The following SYNJ1 variants were observed in gnomAD, a reference collection of about 807,000 sequenced individuals.
SYNJ1 encodes the protein synaptojanin 1.
Under a neutral mutation model 168.2 loss-of-function variants are expected in SYNJ1, and 78 were observed. The observed-to-expected ratio is 0.46, with a 90% CI of 0.39 to 0.56. The LOEUF is 0.56. Among genes scored for constraint, SYNJ1 ranks in the 20% least tolerant of loss-of-function variants. The probability of loss-of-function intolerance (pLI) is 0.00; values close to 1 mark genes in which losing one functional copy is unlikely to be tolerated. For synonymous variants in SYNJ1, 539 were observed against 548.6 expected, an observed-to-expected ratio of 0.98 and a Z score of 0.24; for missense variants, 1,303 against 1,597.6, an observed-to-expected ratio of 0.82 and a Z score of 3.14.
chr21:32,641,117 A>C (rs1027684101), intron 29 of SYNJ1, among the ~76,000 whole-genome samples: 13 of 152,230 alleles, frequency 8.5e-5, no homozygotes, highest in Admixed American at 4.6e-4. Context: ...TTCTATCTTC[A>C]TAGGAAGTGG....
chr21:32,719,435 T>C (rs557509399), intron 2 of SYNJ1, among the ~76,000 whole-genome samples: 5 of 152,278 alleles, frequency 3.3e-5, no homozygotes, highest in Admixed American at 3.3e-4. Flanking sequence ...CTATGCAGGC[T>C]GGGAGCAGTG....
chr21:32,669,682 A>G (rs968859354), intron 15 of SYNJ1, among the ~76,000 whole-genome samples: 8 of 152,218 alleles, frequency 5.3e-5, no homozygotes, highest in African/African-American at 1.9e-4. Flanking sequence ...ACACCAAGAT[A>G]ATACTTCTCT....
intron 31 of SYNJ1, among the ~76,000 whole-genome samples, chr21:32,637,952 T>C (rs1357127714): frequency 3.3e-5 from 5 of 152,266 alleles, no homozygotes; most frequent in African/African-American, 1.2e-4. Flanking sequence ...GACATACCTA[T>C]ATATCTGTAA....
At chr21:32,650,900 T>A (rs2040247942) in intron 22 of SYNJ1, among the ~76,000 whole-genome samples, 2 of 152,222 alleles carry the variant, frequency 1.3e-5, no homozygotes, top group Admixed American at 1.3e-4. Flanking sequence ...CCATTTTAAA[T>A]CTTCAACAAA....
rs184814703 is a variant in SYNJ1, at chr21:32,682,671, T to G, written c.1201-1023A>C. ...GCTTTGTCTATCTTGGTGTCAAACT[T>G]TGTAACCTGTCAACCAATTGCTATC... On this transcript the variant is annotated intron_variant, in intron 10 of 32. Transcript: ENST00000674351. 6.6e-4 allele frequency among the ~76,000 whole-genome samples: 101 copies of G among 152,248 alleles called. 1 individual carries two copies. The highest frequency in any genetic ancestry group is 4.4e-5 in the Non-Finnish European group (3 of 67,970).
intron 13 of SYNJ1, among the ~76,000 whole-genome samples, chr21:32,675,161 C>T (rs944450515): frequency 1.3e-5 from 2 of 152,104 alleles, no homozygotes; most frequent in Non-Finnish European, 2.9e-5. Context: ...GTTACCAATG[C>T]GAACATAGTG....
chr21:32,646,164 T>C lies in SYNJ1; in HGVS notation c.3247+229A>G, dbSNP rs545961929. 9.2e-5 allele frequency among the ~76,000 whole-genome samples: 14 copies of C among 152,296 alleles called. No homozygotes were observed. In the South Asian group the frequency reaches 2.5e-3, roughly 27 times the overall value. On this transcript the variant is annotated intron_variant, in intron 24 of 32. Coordinates refer to ENST00000674351, the MANE Select transcript of SYNJ1 (RefSeq NM_203446.3). ...ATAGAAAATCATCAGTTATAAGACA[T>C]AGACAAACCTAACCACATAGAAAAA...
chr21:32,661,237 T>C (rs1466102883), intron 18 of SYNJ1, among the ~76,000 whole-genome samples: 1 of 152,160 alleles, frequency 6.6e-6, no homozygotes, highest in Non-Finnish European at 1.5e-5. Context: ...CATCTCACAC[T>C]TGCCAGCCCT....
intron 4 of SYNJ1, 121 bp downstream of exon 4, chr21:32,699,717 C>T (rs2042331643): frequency 1.7e-6 from 2 of 1,188,436 alleles, no homozygotes; most frequent in Non-Finnish European, 2.3e-6. Flanking sequence ...TGAAAAGGGG[C>T]ATCGAGGGTC....
At chr21:32,691,245 G>A (rs1601436454) in intron 6 of SYNJ1, among the ~76,000 whole-genome samples, 1 of 152,286 alleles carries the variant, frequency 6.6e-6, no homozygotes, top group East Asian at 1.9e-4. Flanking sequence ...ACTAGTGAGT[G>A]AGTTCTCATG....
chr21:32,663,957 T>TACAC (rs1381708011), intron 18 of SYNJ1, among the ~76,000 whole-genome samples: 8 of 152,340 alleles, frequency 5.3e-5, no homozygotes, highest in African/African-American at 1.9e-4. Context: ...GAAGGGCAAG[T>TACAC]AGTTGAAGAC....
chr21:32,689,840 T>C lies in SYNJ1; in HGVS notation c.790-1473A>G, dbSNP rs2041958550. On this transcript the variant is annotated intron_variant, in intron 6 of 32. Coordinates refer to ENST00000674351, the MANE Select transcript of SYNJ1 (RefSeq NM_203446.3). The stretch of plus-strand genomic sequence containing the variant: ...AGAAATCAATTAGCCTAATGTCACA[T>C]CTGTGTTCAATTTCATTTTATGGTA... Among the ~76,000 whole-genome samples the C allele has an allele frequency of 2.6e-5, 4 of 152,356 alleles. No individual in the cohort carries two copies. The South Asian group carries it at 8.3e-4, about 32-fold the overall frequency.
intron 2 of SYNJ1, among the ~76,000 whole-genome samples, chr21:32,723,998 C>T (rs1008343535): frequency 6.6e-6 from 1 of 151,954 alleles, no homozygotes; most frequent in Admixed American, 6.6e-5. Flanking sequence ...ATTAGAGAAG[C>T]AGCACTCTAG....
At chr21:32,686,628 G>A (rs1319486018) in intron 8 of SYNJ1, among the ~76,000 whole-genome samples, 1 of 152,130 alleles carries the variant, frequency 6.6e-6, no homozygotes, top group African/African-American at 2.4e-5. Context: ...TATGGTTCTA[G>A]GAAGCAGGCA....
chr21:32,667,413 A>G (rs897610449), intron 15 of SYNJ1, among the ~76,000 whole-genome samples: 1 of 152,120 alleles, frequency 6.6e-6, no homozygotes, highest in Admixed American at 6.6e-5. Context: ...CATCCTCTTC[A>G]CCTTATCACA....
intron 2 of SYNJ1, among the ~76,000 whole-genome samples, chr21:32,719,444 T>C (rs962326971): frequency 1.3e-5 from 2 of 152,238 alleles, no homozygotes; most frequent in Non-Finnish European, 2.9e-5. Flanking sequence ...CTGGGAGCAG[T>C]GGCTCACGCC....
At position 32,645,024 on chromosome 21, in the gene SYNJ1, A is replaced by G; in HGVS notation, c.3392-18T>C. The G allele has an allele frequency of 1.3e-6, 2 of 1,597,182 alleles. No homozygotes were observed. Among genetic ancestry groups the G allele is most frequent in the Non-Finnish European group, 1.7e-6 (2 of 1,174,904 alleles). ...CCTAGCCCCTTATAGTTCATAAGAA[A>G]ATAGGCAGCAGAAAGGAAATGACAT... On this transcript the variant is annotated intron_variant, in intron 25 of 32. Coordinates refer to ENST00000674351, the MANE Select transcript of SYNJ1 (RefSeq NM_203446.3).
At chr21:32,679,599 T>C (rs1448620236) in intron 11 of SYNJ1, among the ~76,000 whole-genome samples, 1 of 152,148 alleles carries the variant, frequency 6.6e-6, no homozygotes, top group Non-Finnish European at 1.5e-5. Context: ...GTTTGCAATA[T>C]GTAATTTTTA....
Position 32,635,337 on chromosome 21 carries a change from C to A in SYNJ1, c.3916-453G>T, listed in dbSNP as rs117510409. On this transcript the variant is annotated intron_variant, in intron 31 of 32. Coordinates refer to ENST00000674351, the MANE Select transcript of SYNJ1 (RefSeq NM_203446.3). ...GGGACCCCATGATGGAATCAGTGTC[C>A]TTATGAGAAGAGACACCAGAGAGCG... 3.1e-3 allele frequency among the ~76,000 whole-genome samples: 472 copies of A among 152,196 alleles called. 3 individuals are homozygous for A. The highest frequency in any genetic ancestry group is 5.6e-3 in the Non-Finnish European group (381 of 68,012).
Sources: allele counts gnomAD v4.1 joint callset (sites outside exome capture counted in the v4.1 genomes callset), GRCh38; gene constraint gnomAD v4.1.1; transcripts MANE v1.5; gene names NCBI Gene and HGNC (gene_info 2026-07-23, HGNC 2026-07-21).